The following ARHGEF3 variants were observed in gnomAD, a reference collection of about 807,000 sequenced individuals.
ARHGEF3 encodes the protein Rho guanine nucleotide exchange factor 3.
A neutral mutation model predicts 63.2 loss-of-function variants in ARHGEF3; 28 were observed. The ratio of observed to expected loss-of-function variants is 0.44; its 90% CI spans 0.33 to 0.61. The LOEUF (loss-of-function observed/expected upper bound fraction) is 0.61, where lower values mean the gene tolerates loss of function less well. ARHGEF3 is among the 20% of genes least tolerant of loss of function. The pLI is 0.03. For synonymous variants in ARHGEF3, 266 were observed against 254.2 expected, an observed-to-expected ratio of 1.05 and a Z score of -0.44; for missense variants, 533 against 659.3, an observed-to-expected ratio of 0.81 and a Z score of 2.10.
chr3:56,832,881 A>G (rs960040920), intron 4 of ARHGEF3, among the ~76,000 whole-genome samples: 2 of 152,216 alleles, frequency 1.3e-5, no homozygotes, highest in African/African-American at 4.8e-5. Context: ...CAAATAACAT[A>G]TGACCTTTTG....
intron 2 of ARHGEF3, among the ~76,000 whole-genome samples, chr3:57,018,614 T>G (rs1703120002): frequency 6.6e-6 from 1 of 152,172 alleles, no homozygotes; most frequent in Admixed American, 6.5e-5. Context: ...ATAAACTAAT[T>G]TATAATGATT....
chr3:56,995,884 A>AATAGGCT (rs1462546869), intron 2 of ARHGEF3, among the ~76,000 whole-genome samples: 1 of 152,188 alleles, frequency 6.6e-6, no homozygotes, highest in Non-Finnish European at 1.5e-5. Flanking sequence ...TTAAAATGGA[A>AATAGGCT]ATAGGCTACC....
intron 2 of ARHGEF3, among the ~76,000 whole-genome samples, chr3:56,772,417 G>C (rs995221136): frequency 6.6e-6 from 1 of 152,148 alleles, no homozygotes; most frequent in African/African-American, 2.4e-5. Context: ...GGCATGCCTT[G>C]GGTTCTGGTC....
intron 3 of ARHGEF3, among the ~76,000 whole-genome samples, chr3:56,889,601 A>C (rs1389763102): frequency 6.6e-6 from 1 of 152,326 alleles, no homozygotes; most frequent in African/African-American, 2.4e-5. Context: ...AACTTGCTCA[A>C]GGTCACAAAG....
chr3:56,792,113 A>AAAAAAAAAAAAAAAAG (rs55899473), intron 1 of ARHGEF3, among the ~76,000 whole-genome samples: 2 of 139,976 alleles, frequency 1.4e-5, no homozygotes, highest in Non-Finnish European at 3.0e-5. Context: ...CAAAAAAAAA[A>AAAAAAAAAAAAAAAAG]AAAAGAAAAG....
rs973100781 is a variant in ARHGEF3 at position 56,732,117 on chromosome 3, T to C, written c.1228+121A>G. ...AGTACATAATCAGGAAGTGATGAAA[T>C]AGCATACAAATGCAGTTTGACTTCA... On this transcript the variant is annotated intron_variant, in intron 9 of 9. Transcript: ENST00000296315. 5.1e-6 allele frequency: 6 copies of C among 1,165,420 alleles called. No homozygotes were observed. In the African/African-American group the frequency reaches 6.1e-5, roughly 12 times the overall value. The allele number at this position is 1,165,420 out of a possible 1,614,324, so 72.2% of individuals were successfully genotyped here.
At chr3:56,851,636 C>T (rs1005803259) in intron 4 of ARHGEF3, among the ~76,000 whole-genome samples, 39 of 152,152 alleles carry the variant, frequency 2.6e-4, no homozygotes, top group African/African-American at 9.2e-4. Flanking sequence ...GATCCACCCA[C>T]CTCAGCCTCC....
intron 2 of ARHGEF3, among the ~76,000 whole-genome samples, chr3:56,979,925 G>A (rs12494282): frequency 0.21 from 31,430 of 152,102 alleles, 3,545 homozygotes; most frequent in Middle Eastern, 0.37. Context: ...ACTACTGACG[G>A]TGGTGGTTAG....
chr3:56,996,484 T>G (rs181770117), intron 2 of ARHGEF3, among the ~76,000 whole-genome samples: 149 of 152,254 alleles, frequency 9.8e-4, no homozygotes, highest in Non-Finnish European at 1.0e-3. Flanking sequence ...ATGGGATTAG[T>G]GCATTAATAA....
chr3:56,732,317 G>C lies in ARHGEF3; in HGVS notation c.1149C>G (p.Asp383Glu). The C allele has an allele frequency of 6.2e-7, 1 of 1,614,198 alleles. No individual in the cohort carries two copies. The change falls in exon 9 of 10, where the codon GAC (aspartate) becomes GAG (glutamate). Residue 383 changes from aspartate (D) to glutamate (E), a missense_variant. Coordinates refer to ENST00000296315, the MANE Select transcript of ARHGEF3 (RefSeq NM_019555.3). ...CATCCTGGAGGTCTTCCAGCAGGAG[G>C]TCTTTCACGGGGATTGGCTGACGGT... ...QLYRQPIPVK[D>E]LLLEDLQDGE...
chr3:56,964,961 C>T (rs1204468076), intron 2 of ARHGEF3, among the ~76,000 whole-genome samples: 1 of 152,182 alleles, frequency 6.6e-6, no homozygotes, highest in Admixed American at 6.5e-5. Flanking sequence ...AATAGGGTCA[C>T]ATAACTACAG....
chr3:56,763,923 C>G (rs1437171575), intron 2 of ARHGEF3, among the ~76,000 whole-genome samples: 1 of 152,028 alleles, frequency 6.6e-6, no homozygotes, highest in Non-Finnish European at 1.5e-5. Context: ...TCCAGACTTT[C>G]TTTAATGAAG....
At chr3:56,986,008 A>G (rs1359086227) in intron 2 of ARHGEF3, among the ~76,000 whole-genome samples, 3 of 152,168 alleles carry the variant, frequency 2.0e-5, no homozygotes, top group Admixed American at 6.5e-5. Context: ...TCAGAAACTT[A>G]CCAAACATCA....
Position 56,732,364 on chromosome 3 carries a change from C to A in ARHGEF3, c.1102G>T (p.Glu368Ter), listed in dbSNP as rs767350600. Residue 368 changes from glutamate (E) to a stop codon, truncating the protein, a stop_gained, in exon 9 of 10, where the codon GAG becomes TAG. Coordinates refer to ENST00000296315, the MANE Select transcript of ARHGEF3 (RefSeq NM_019555.3). LOFTEE classifies it high-confidence loss of function. ...CGGTACAGCTGGTAGCAAAGCTGCTCATTGTGGGTGACGGCTCGAGTGATC... is the reference window on the plus strand; with the variant it reads ...CGGTACAGCTGGTAGCAAAGCTGCTAATTGTGGGTGACGGCTCGAGTGATC... ...LVITRAVTHN[E>*]QLCYQLYRQP... The A allele has an allele frequency of 6.2e-7, 1 of 1,614,130 alleles. No homozygotes were observed. The highest frequency in any genetic ancestry group is 2.2e-5 in the East Asian group (1 of 44,872).
intron 2 of ARHGEF3, among the ~76,000 whole-genome samples, chr3:57,032,245 G>A (rs1422399501): frequency 2.0e-5 from 3 of 152,148 alleles, no homozygotes; most frequent in Admixed American, 6.5e-5. Context: ...CATCCCTAAC[G>A]GTACCCAAGA....
chr3:56,783,094 G>A (rs1396671326), intron 1 of ARHGEF3, among the ~76,000 whole-genome samples: 1 of 152,116 alleles, frequency 6.6e-6, no homozygotes, highest in African/African-American at 2.4e-5. Flanking sequence ...ACAGTTGGCA[G>A]TTGGCTGAGC....
rs76884340 is a variant in ARHGEF3 at position 56,927,271 on chromosome 3, A to G, written c.129+31552T>C. ...CATAGTGCCTGGCACATAGTAAGTAACAATTGCAGTTTCCTAGAGACTATA... is the reference window on the plus strand; with the variant it reads ...CATAGTGCCTGGCACATAGTAAGTAGCAATTGCAGTTTCCTAGAGACTATA... On this transcript the variant is annotated intron_variant, in intron 3 of 12. Coordinates refer to the ARHGEF3 transcript ENST00000338458. Among the ~76,000 whole-genome samples the G allele has an allele frequency of 4.4e-3, 669 of 152,350 alleles. 7 individuals carry two copies. Among genetic ancestry groups the G allele is most frequent in the African/African-American group, 0.015 (623 of 41,576 alleles).
intron 2 of ARHGEF3, among the ~76,000 whole-genome samples, chr3:57,029,075 T>C (rs1413851935): frequency 2.0e-5 from 3 of 151,560 alleles, no homozygotes; most frequent in African/African-American, 7.3e-5. Context: ...CTTCCACTCA[T>C]TGGCTACAGG....
At chr3:56,968,196 TAATATA>T (rs1700710075) in intron 2 of ARHGEF3, among the ~76,000 whole-genome samples, 4 of 15,514 alleles carry the variant, frequency 2.6e-4, no homozygotes, top group Admixed American at 1.4e-3. Context: ...ATATTATATA[TAATATA>T]TAAAAATATA....
Sources: gnomAD v4.1 joint callset for allele counts (sites outside exome capture counted in the v4.1 genomes callset) on GRCh38, gnomAD v4.1.1 for gene constraint, MANE v1.5 for transcripts, NCBI Gene and HGNC (gene_info 2026-07-23, HGNC 2026-07-21) for gene names.